NTN1: variants seen among roughly 807,000 people sequenced by gnomAD.
NTN1 encodes netrin-1.
A neutral mutation model predicts 54.2 loss-of-function variants in NTN1; 11 were observed. That is an observed-to-expected ratio of 0.20 (90% confidence interval 0.13 to 0.34). The LOEUF (loss-of-function observed/expected upper bound fraction) is 0.34. Among genes scored for constraint, NTN1 ranks in the 10% least tolerant of loss-of-function variants. NTN1 has a pLI of 1.00. For synonymous variants in NTN1, 371 were observed against 382.0 expected (o/e 0.97, Z 0.33); for missense variants, 740 against 893.1 (o/e 0.83, Z 2.18).
intron 5 of NTN1, among the ~76,000 whole-genome samples, chr17:9,220,215 TCA>T (rs1905300704): frequency 6.6e-6 from 1 of 152,174 alleles, no homozygotes; most frequent in Non-Finnish European, 1.5e-5. Context: ...TCTTTGAGCC[TCA>T]GTCTTCTTGT....
chr17:9,228,819 G>GGTGT (rs1905685894), intron 6 of NTN1, among the ~76,000 whole-genome samples: 2 of 64,226 alleles, frequency 3.1e-5, no homozygotes, highest in Non-Finnish European at 6.2e-5. Flanking sequence ...GATCTGTTCA[G>GGTGT]CTGTGTGTGT....
chr17:9,142,481 C>T (rs1188397865), intron 2 of NTN1, among the ~76,000 whole-genome samples: 2 of 151,676 alleles, frequency 1.3e-5, no homozygotes, highest in African/African-American at 4.8e-5. Context: ...AGAGGTTCTT[C>T]TCTGTCAGCT....
At chr17:9,116,128 C>G (rs2092211338) in intron 2 of NTN1, among the ~76,000 whole-genome samples, 1 of 152,232 alleles carries the variant, frequency 6.6e-6, no homozygotes, top group Non-Finnish European at 1.5e-5. Context: ...CAGGGCTCTG[C>G]TGTTCCTGGA....
At chr17:9,208,751 G>A (rs1052047564) in intron 5 of NTN1, among the ~76,000 whole-genome samples, 3 of 152,214 alleles carry the variant, frequency 2.0e-5, no homozygotes, top group South Asian at 2.1e-4. Context: ...AGGAGTAGAC[G>A]CCCCCTTGGG....
intron 2 of NTN1, among the ~76,000 whole-genome samples, chr17:9,090,590 C>T (rs1321416451): frequency 1.3e-5 from 2 of 151,990 alleles, no homozygotes; most frequent in South Asian, 2.1e-4. Flanking sequence ...ATACAGATGC[C>T]GGTTTATAAA....
chr17:9,065,207 G>C (rs1597475210), intron 2 of NTN1, among the ~76,000 whole-genome samples: 1 of 152,176 alleles, frequency 6.6e-6, no homozygotes, highest in African/African-American at 2.4e-5. Context: ...GAAGTGCTGG[G>C]ATTACAGGTG....
intron 6 of NTN1, among the ~76,000 whole-genome samples, chr17:9,223,291 C>A (rs1905427085): frequency 6.6e-6 from 1 of 152,208 alleles, no homozygotes; most frequent in Non-Finnish European, 1.5e-5. Flanking sequence ...GTGGCTCACG[C>A]CTGTAATCCC....
chr17:9,056,858 C>T (rs548356276), intron 2 of NTN1, among the ~76,000 whole-genome samples: 1 of 152,158 alleles, frequency 6.6e-6, no homozygotes, highest in African/African-American at 2.4e-5. Context: ...ACTGATGGGG[C>T]GTGGGACTGG....
intron 6 of NTN1, among the ~76,000 whole-genome samples, chr17:9,222,017 C>T (rs769314982): frequency 3.3e-5 from 5 of 152,328 alleles, no homozygotes; most frequent in Non-Finnish European, 5.9e-5. Flanking sequence ...GTCCAGCTGA[C>T]CACTGGCAAG....
At position 9,088,210 on chromosome 17, in the gene NTN1, C is replaced by A. The variant is rs967251693; in HGVS notation, c.1018+64819C>A. ...AGCTCCCGACGGCCGTGCCGAGGGACTTCTGTGGGTGCCCAGTGGGTGTCC... is the reference window on the plus strand; with the variant it reads ...AGCTCCCGACGGCCGTGCCGAGGGAATTCTGTGGGTGCCCAGTGGGTGTCC... On this transcript the variant is annotated intron_variant, in intron 2 of 6. Coordinates refer to ENST00000173229, the MANE Select transcript of NTN1 (RefSeq NM_004822.3). 2.0e-5 allele frequency among the ~76,000 whole-genome samples: 3 copies of A among 152,236 alleles called. No homozygotes were observed. In the South Asian group the frequency reaches 6.2e-4, roughly 32 times the overall value.
At chr17:9,203,572 G>A (rs1904874260) in intron 5 of NTN1, among the ~76,000 whole-genome samples, 1 of 152,050 alleles carries the variant, frequency 6.6e-6, no homozygotes, top group South Asian at 2.1e-4. Context: ...GCTGGGGCGG[G>A]CAGATCACTT....
At chr17:9,028,127 A>G (rs2091877157) in intron 2 of NTN1, among the ~76,000 whole-genome samples, 1 of 151,708 alleles carries the variant, frequency 6.6e-6, no homozygotes, top group Admixed American at 6.6e-5. Context: ...TCTGTCTCCA[A>G]AAAAAAAGAA....
intron 5 of NTN1, among the ~76,000 whole-genome samples, chr17:9,207,843 T>A (rs1375171703): frequency 6.6e-6 from 1 of 152,232 alleles, no homozygotes; most frequent in Admixed American, 6.5e-5. Context: ...GTACATCTGT[T>A]AAAGGTGGCA....
At chr17:9,020,161 A>G (rs1360212288), upstream of NTN1, among the ~76,000 whole-genome samples, 1 of 152,226 alleles carries the variant, frequency 6.6e-6, no homozygotes, top group Non-Finnish European at 1.5e-5. Flanking sequence ...GGTTTATGAA[A>G]ATGCCAATAA....
At chr17:9,011,255 T>C in the NTN1 span, among the ~76,000 whole-genome samples, 5 of 152,176 alleles carry the variant, frequency 3.3e-5, no homozygotes, top group East Asian at 3.8e-4. Context: ...GGCCACAGAC[T>C]AGTGGTAGTT....
At chr17:9,159,086 CAAATT>C (rs1355803744) in intron 2 of NTN1, among the ~76,000 whole-genome samples, 1 of 152,052 alleles carries the variant, frequency 6.6e-6, no homozygotes, top group South Asian at 2.1e-4. Flanking sequence ...CTAAAGATCA[CAAATT>C]AAAGTAACAT....
chr17:9,164,843 G>A (rs1279820096), intron 3 of NTN1, among the ~76,000 whole-genome samples: 1 of 152,176 alleles, frequency 6.6e-6, no homozygotes, highest in Non-Finnish European at 1.5e-5. Flanking sequence ...AGACTGAGCA[G>A]AGAATGAATG....
chr17:9,183,246 A>G (rs1232353655), intron 5 of NTN1: 7 of 643,640 alleles, frequency 1.1e-5, no homozygotes, highest in Non-Finnish European at 1.8e-5. Context: ...CTTGTCCACC[A>G]GCTGCCCGCC....
chr17:9,115,108 G>A (rs189737355), intron 2 of NTN1, among the ~76,000 whole-genome samples: 2 of 152,214 alleles, frequency 1.3e-5, no homozygotes, highest in Non-Finnish European at 1.5e-5. Flanking sequence ...ACTCCTGTTC[G>A]TCAGTTCTGT....
Sources: gnomAD v4.1 joint callset for allele counts (sites outside exome capture counted in the v4.1 genomes callset) on GRCh38, gnomAD v4.1.1 for gene constraint, MANE v1.5 for transcripts, NCBI Gene and HGNC (gene_info 2026-07-23, HGNC 2026-07-21) for gene names.